Variants in KCNIP4 observed in about 807,000 individuals in gnomAD.
KCNIP4 encodes potassium voltage-gated channel interacting protein 4.
In KCNIP4, 12 loss-of-function variants were observed where a neutral mutation model predicts 34.0. The ratio of observed to expected loss-of-function variants is 0.35; its 90% CI spans 0.23 to 0.57. The LOEUF (loss-of-function observed/expected upper bound fraction) is 0.57. KCNIP4 is among the 20% of genes least tolerant of loss of function. The probability of loss-of-function intolerance (pLI) is 0.83; values close to 1 mark genes in which losing one functional copy is unlikely to be tolerated. For missense variants in KCNIP4, 238 were observed against 311.7 expected (o/e 0.76, Z 1.78); for synonymous variants, 124 against 102.2 (o/e 1.21, Z -1.29).
intron 1 of KCNIP4, among the ~76,000 whole-genome samples, chr4:21,873,353 C>T (rs1725918742): frequency 6.6e-6 from 1 of 152,164 alleles, no homozygotes; most frequent in Non-Finnish European, 1.5e-5. Context: ...GCACTTACTG[C>T]CTCATAGCCA....
At chr4:21,291,075 G>T (rs1272651409) in intron 1 of KCNIP4, among the ~76,000 whole-genome samples, 1 of 151,764 alleles carries the variant, frequency 6.6e-6, no homozygotes, top group African/African-American at 2.4e-5. Flanking sequence ...CCTCCCAAAG[G>T]CACAGCATGT....
At chr4:21,697,150 A>T (rs1285013501) in intron 1 of KCNIP4, among the ~76,000 whole-genome samples, 1 of 152,022 alleles carries the variant, frequency 6.6e-6, no homozygotes, top group Non-Finnish European at 1.5e-5. Context: ...ATACATCCAT[A>T]GAAGTCAGTT....
At chr4:20,870,914 T>C (rs1413554933) in intron 2 of KCNIP4, among the ~76,000 whole-genome samples, 2 of 152,106 alleles carry the variant, frequency 1.3e-5, no homozygotes, top group African/African-American at 4.8e-5. Context: ...CTCATTTCAG[T>C]GGGGAAGGGG....
At chr4:20,927,285 A>T (rs1032247909) in intron 1 of KCNIP4, among the ~76,000 whole-genome samples, 1 of 152,040 alleles carries the variant, frequency 6.6e-6, no homozygotes, top group African/African-American at 2.4e-5. Flanking sequence ...CCCTTATTGT[A>T]GTTTTCTGAA....
At chr4:20,759,320 G>A (rs903246752) in intron 3 of KCNIP4, among the ~76,000 whole-genome samples, 3 of 152,104 alleles carry the variant, frequency 2.0e-5, no homozygotes, top group Non-Finnish European at 4.4e-5. Context: ...TTACTCTATT[G>A]GCATCTCTAG....
At chr4:21,717,464 T>A (rs147762994) in intron 1 of KCNIP4, among the ~76,000 whole-genome samples, 87 of 152,302 alleles carry the variant, frequency 5.7e-4, no homozygotes, top group African/African-American at 2.0e-3. Flanking sequence ...GATTTAGCAT[T>A]GAGCATTTTA....
At chr4:21,604,376 G>C (rs1045949938) in intron 1 of KCNIP4, among the ~76,000 whole-genome samples, 1 of 152,126 alleles carries the variant, frequency 6.6e-6, no homozygotes, top group Admixed American at 6.6e-5. Flanking sequence ...AGGAATTTAA[G>C]TAATCTGACC....
At chr4:21,717,704 T>A (rs765670801) in intron 1 of KCNIP4, among the ~76,000 whole-genome samples, 2 of 152,310 alleles carry the variant, frequency 1.3e-5, no homozygotes, top group Non-Finnish European at 1.5e-5. Flanking sequence ...TTGCACATAT[T>A]AGCCTATGTG....
intron 1 of KCNIP4, chr4:21,850,562 T>C (rs1443793671): frequency 1.3e-5 from 2 of 152,076 alleles, no homozygotes; most frequent in African/African-American, 4.8e-5. Context: ...CCCTTCAACC[T>C]TGGACTTTTC....
chr4:21,779,511 C>T (rs982678975), intron 1 of KCNIP4, among the ~76,000 whole-genome samples: 12 of 152,094 alleles, frequency 7.9e-5, no homozygotes, highest in Admixed American at 7.9e-4. Flanking sequence ...AATGTATACA[C>T]ATATCAAAAT....
rs191704452 is a variant in KCNIP4 at position 21,549,677 on chromosome 4, T to G, written c.61+398894A>C. On this transcript the variant is annotated intron_variant, in intron 1 of 8. Coordinates refer to ENST00000382152, the MANE Select transcript of KCNIP4 (RefSeq NM_025221.6). ...TTTATAACAATCCAAAATGGGCTAA[T>G]ACACTACTTCTATGTTACTAATGAT... Among the ~76,000 whole-genome samples, 71 of 152,200 alleles carry G rather than the reference T, an allele frequency of 4.7e-4. No individual in the cohort carries two copies. The East Asian group carries it at 8.1e-3, about 17-fold the overall frequency.
intron 1 of KCNIP4, among the ~76,000 whole-genome samples, chr4:21,442,873 A>C (rs746606919): frequency 6.6e-6 from 1 of 152,162 alleles, no homozygotes; most frequent in Non-Finnish European, 1.5e-5. Flanking sequence ...CTGTTCTTAA[A>C]TATCTAATAG....
intron 6 of KCNIP4, among the ~76,000 whole-genome samples, chr4:20,734,181 G>T (rs1280145126): frequency 1.3e-5 from 2 of 152,150 alleles, no homozygotes; most frequent in African/African-American, 4.8e-5. Context: ...TGTGAACCTT[G>T]TTTCCTGGAT....
At chr4:21,304,323 C>T (rs577078381) in intron 1 of KCNIP4, among the ~76,000 whole-genome samples, 13 of 152,228 alleles carry the variant, frequency 8.5e-5, no homozygotes, top group African/African-American at 2.9e-4. Flanking sequence ...GAAGTCGCGG[C>T]GCAGATCACC....
chr4:21,254,514 T>C (rs1025430893), intron 1 of KCNIP4, among the ~76,000 whole-genome samples: 3 of 152,222 alleles, frequency 2.0e-5, no homozygotes, highest in African/African-American at 7.2e-5. Context: ...CAAGTTATTC[T>C]TATGCATTTC....
intron 8 of KCNIP4, 105 bp downstream of exon 8, chr4:20,731,901 G>T: frequency 6.6e-7 from 1 of 1,509,870 alleles, no homozygotes. Flanking sequence ...GTAAACTTAG[G>T]CATATGATCT....
At chr4:21,945,490 T>C (rs532720572) in intron 1 of KCNIP4, among the ~76,000 whole-genome samples, 1 of 152,232 alleles carries the variant, frequency 6.6e-6, no homozygotes, top group South Asian at 2.1e-4. Flanking sequence ...TGAGTTTGCC[T>C]TATTTTTAAA....
intron 1 of KCNIP4, among the ~76,000 whole-genome samples, chr4:21,082,614 G>C (rs536569371): frequency 6.6e-6 from 1 of 151,504 alleles, no homozygotes; most frequent in South Asian, 2.1e-4. Flanking sequence ...TGGGGCAGGA[G>C]GAAGAAGTAA....
At chr4:20,768,327 A>ATT (rs1755594442) in intron 3 of KCNIP4, among the ~76,000 whole-genome samples, 3 of 152,206 alleles carry the variant, frequency 2.0e-5, no homozygotes, top group Non-Finnish European at 4.4e-5. Flanking sequence ...CAAGATAGTC[A>ATT]TGGGGGTTCC....
Sources: gnomAD v4.1 joint callset for allele counts (sites outside exome capture counted in the v4.1 genomes callset) on GRCh38, gnomAD v4.1.1 for gene constraint, MANE v1.5 for transcripts, NCBI Gene and HGNC (gene_info 2026-07-23, HGNC 2026-07-21) for gene names.